Variants in ST8SIA6 observed in about 807,000 individuals in gnomAD.
ST8SIA6 encodes alpha-2,8-sialyltransferase 8F.
ST8SIA6 carries 39 observed loss-of-function variants against 33.6 expected under a neutral mutation model. That is an observed-to-expected ratio of 1.16 (90% CI 0.90 to 1.52). ST8SIA6 has a LOEUF of 1.52. Ranked by LOEUF, ST8SIA6 falls within the 40% of genes most tolerant of loss-of-function variation. The pLI is 0.00. For synonymous variants in ST8SIA6, 172 were observed against 167.2 expected (o/e 1.03, Z -0.22); for missense variants, 441 against 443.8 (o/e 0.99, Z 0.06).
At chr10:17,412,753 T>G (rs1327615364) in intron 2 of ST8SIA6, among the ~76,000 whole-genome samples, 5 of 152,168 alleles carry the variant, frequency 3.3e-5, no homozygotes, top group Non-Finnish European at 7.4e-5. Context: ...ATAGAAGAAA[T>G]AAGACCTAAT....
At chr10:17,353,891 A>G (rs3740160) in intron 4 of ST8SIA6, among the ~76,000 whole-genome samples, 25,613 of 152,136 alleles carry the variant, frequency 0.17, 2,496 homozygotes, top group East Asian at 0.49. Context: ...AGTGGCTCCA[A>G]AAGAAACTAA....
At chr10:17,408,703 C>T (rs1482804583) in intron 2 of ST8SIA6, among the ~76,000 whole-genome samples, 2 of 151,808 alleles carry the variant, frequency 1.3e-5, no homozygotes, top group African/African-American at 4.8e-5. Context: ...AATACATCTT[C>T]ACTAAAACTC....
chr10:17,439,271 C>CTTTTTT (rs146928120), intron 2 of ST8SIA6, among the ~76,000 whole-genome samples: 1 of 124,226 alleles, frequency 8.0e-6, no homozygotes. Context: ...TCTTCCCTCT[C>CTTTTTT]TTTTTTTTTT....
At chr10:17,447,024 C>T (rs1297881955) in intron 2 of ST8SIA6, among the ~76,000 whole-genome samples, 1 of 63,372 alleles carries the variant, frequency 1.6e-5, no homozygotes, top group African/African-American at 5.6e-5. Flanking sequence ...GACTCTGTCT[C>T]AAAAAAAAAA....
At chr10:17,359,636 G>A (rs771716846) in intron 3 of ST8SIA6, 36 bp from the exon 4 acceptor site, 9 of 1,332,308 alleles carry the variant, frequency 6.8e-6, no homozygotes, top group Non-Finnish European at 3.2e-6. Context: ...AGAAAATAAT[G>A]ATCTCATATG....
chr10:17,453,701 G>A, intron 1 of ST8SIA6, 44 bp from the exon 2 acceptor site: 6 of 1,251,704 alleles, frequency 4.8e-6, no homozygotes, highest in Non-Finnish European at 6.1e-6. Flanking sequence ...ACCCCGCCGG[G>A]AGCTGTTGGC....
intron 5 of ST8SIA6, among the ~76,000 whole-genome samples, chr10:17,329,746 C>G (rs757427454): frequency 1.2e-4 from 19 of 152,172 alleles, no homozygotes; most frequent in Non-Finnish European, 2.2e-4. Flanking sequence ...GCTTTAGTAT[C>G]TCATGTTCAG....
chr10:17,417,430 T>G (rs758690621), intron 2 of ST8SIA6, among the ~76,000 whole-genome samples: 2 of 152,186 alleles, frequency 1.3e-5, no homozygotes, highest in African/African-American at 2.4e-5. Flanking sequence ...TGAGCGTTCC[T>G]GTTAGTGCTT....
At chr10:17,437,538 C>T (rs925330876) in intron 2 of ST8SIA6, among the ~76,000 whole-genome samples, 2 of 151,814 alleles carry the variant, frequency 1.3e-5, no homozygotes, top group Admixed American at 6.6e-5. Flanking sequence ...GCAGACTCAC[C>T]TTGGAGAGAT....
chr10:17,415,474 C>T (rs1305500453), intron 2 of ST8SIA6, among the ~76,000 whole-genome samples: 3 of 152,094 alleles, frequency 2.0e-5, no homozygotes, highest in Non-Finnish European at 4.4e-5. Context: ...TCTCAGACTA[C>T]CATCTGTTCT....
intron 3 of ST8SIA6, among the ~76,000 whole-genome samples, chr10:17,382,254 A>AT (rs34107961): frequency 0.34 from 50,556 of 150,728 alleles, 8,920 homozygotes; most frequent in East Asian, 0.64. Context: ...TTCAGTGATA[A>AT]TTTTTTTTTT....
At chr10:17,334,315 G>A (rs576603771) in intron 4 of ST8SIA6, among the ~76,000 whole-genome samples, 240 of 151,284 alleles carry the variant, frequency 1.6e-3, no homozygotes, top group Middle Eastern at 3.4e-3. Context: ...CGAGGCGGGC[G>A]GATCACGAGG....
intron 2 of ST8SIA6, among the ~76,000 whole-genome samples, chr10:17,402,527 C>A (rs1377296486): frequency 1.3e-5 from 2 of 152,186 alleles, no homozygotes; most frequent in African/African-American, 4.8e-5. Context: ...TTGGAACCAA[C>A]CCAAATGTCC....
At chr10:17,328,722 C>T (rs1020869554) in intron 5 of ST8SIA6, among the ~76,000 whole-genome samples, 2 of 152,192 alleles carry the variant, frequency 1.3e-5, no homozygotes, top group African/African-American at 4.8e-5. Flanking sequence ...CAAGCTCTCC[C>T]ACCTTCTCAC....
At chr10:17,420,081 T>A (rs1476577636) in intron 2 of ST8SIA6, among the ~76,000 whole-genome samples, 1 of 152,214 alleles carries the variant, frequency 6.6e-6, no homozygotes, top group East Asian at 1.9e-4. Flanking sequence ...TTAAAAAAAA[T>A]TATTACCTCA....
intron 3 of ST8SIA6, among the ~76,000 whole-genome samples, chr10:17,365,288 T>C (rs1849522938): frequency 6.6e-6 from 1 of 152,216 alleles, no homozygotes; most frequent in African/African-American, 2.4e-5. Flanking sequence ...CCACATGCTG[T>C]GACTACTTTT....
intron 2 of ST8SIA6, among the ~76,000 whole-genome samples, chr10:17,445,962 G>A (rs1852691159): frequency 6.6e-6 from 1 of 152,070 alleles, no homozygotes; most frequent in African/African-American, 2.4e-5. Flanking sequence ...AGGCATGAGA[G>A]CAAGAGATAG....
At chr10:17,397,904 C>A (rs1850877518) in intron 2 of ST8SIA6, among the ~76,000 whole-genome samples, 1 of 152,174 alleles carries the variant, frequency 6.6e-6, no homozygotes, top group Admixed American at 6.5e-5. Flanking sequence ...GGTTGATATA[C>A]TTTTAAAAAA....
At position 17,361,671 on chromosome 10, in the gene ST8SIA6, A is replaced by G. The variant is rs1319493856; in HGVS notation, c.291-2071T>C. 5.3e-5 allele frequency among the ~76,000 whole-genome samples: 8 copies of G among 151,584 alleles called. 1 individual carries two copies. In the Middle Eastern group the frequency reaches 0.014, roughly 258 times the overall value. On this transcript the variant is annotated intron_variant, in intron 3 of 7. Transcript: ENST00000377602. Reference sequence around the variant, plus strand: ...GATACTTCCCAACTCACTATATGAGAACAGGGTTACCCTGATACAAAAATA... The same window carrying G: ...GATACTTCCCAACTCACTATATGAGGACAGGGTTACCCTGATACAAAAATA...
Sources: allele counts gnomAD v4.1 joint callset (sites outside exome capture counted in the v4.1 genomes callset), GRCh38; gene constraint gnomAD v4.1.1; transcripts MANE v1.5; gene names NCBI Gene and HGNC (gene_info 2026-07-23, HGNC 2026-07-21).